The following PTPRN2 variants were observed in gnomAD, a reference collection of about 807,000 sequenced individuals.
The protein encoded by PTPRN2 is protein tyrosine phosphatase receptor type N2.
PTPRN2 carries 74 observed loss-of-function variants against 118.8 expected under a neutral mutation model. The observed-to-expected ratio is 0.62, with a 90% CI of 0.52 to 0.76. PTPRN2 has a LOEUF of 0.76. Ranked by LOEUF, PTPRN2 falls within the 30% of genes least tolerant of loss-of-function variation. The pLI is 0.00. For synonymous variants in PTPRN2, 641 were observed against 608.0 expected, an observed-to-expected ratio of 1.05 and a Z score of -0.80; for missense variants, 1,481 against 1,394.4, an observed-to-expected ratio of 1.06 and a Z score of -0.99.
chr7:158,152,870 A>G (rs1310555770), intron 6 of PTPRN2, among the ~76,000 whole-genome samples: 4 of 121,206 alleles, frequency 3.3e-5, no homozygotes, highest in Admixed American at 8.1e-5. Flanking sequence ...GCCACCAACC[A>G]GTGGGACAAG....
intron 2 of PTPRN2, among the ~76,000 whole-genome samples, chr7:158,409,080 G>C (rs1000695024): frequency 6.6e-6 from 1 of 151,546 alleles, no homozygotes; most frequent in South Asian, 2.1e-4. Context: ...TATCATTTTC[G>C]TAACACCCTG....
intron 1 of PTPRN2, among the ~76,000 whole-genome samples, chr7:158,518,851 G>T (rs934722051): frequency 1.3e-5 from 2 of 152,184 alleles, no homozygotes; most frequent in Non-Finnish European, 2.9e-5. Context: ...TGGGCATGTT[G>T]CTGGGTGCCT....
intron 11 of PTPRN2, among the ~76,000 whole-genome samples, chr7:157,905,308 G>A (rs943520678): frequency 6.6e-6 from 1 of 152,216 alleles, no homozygotes; most frequent in African/African-American, 2.4e-5. Context: ...TCAGCCAGAT[G>A]TCCATCAAAT....
intron 1 of PTPRN2, among the ~76,000 whole-genome samples, chr7:158,573,630 G>A (rs1203896782): frequency 2.0e-5 from 3 of 152,212 alleles, no homozygotes; most frequent in African/African-American, 7.2e-5. Flanking sequence ...ATGTCCTTAT[G>A]TGGAAGTTAC....
At chr7:157,600,598 G>A (rs539171895) in intron 16 of PTPRN2, among the ~76,000 whole-genome samples, 216 of 152,268 alleles carry the variant, frequency 1.4e-3, no homozygotes, top group Non-Finnish European at 1.7e-3. Flanking sequence ...TAGTAGAGAT[G>A]GGGTTTCACC....
chr7:158,350,359 T>C (rs748697779), intron 2 of PTPRN2, among the ~76,000 whole-genome samples: 6 of 152,192 alleles, frequency 3.9e-5, no homozygotes, highest in Non-Finnish European at 7.3e-5. Context: ...AGGAAACATG[T>C]ACAGGGTACC....
chr7:157,656,576 A>C, intron 13 of PTPRN2, 25 bp from the exon 14 acceptor site: 2 of 1,514,050 alleles, frequency 1.3e-6, no homozygotes, highest in Non-Finnish European at 1.8e-6. Flanking sequence ...GAGGAAGAGC[A>C]GGGGGTTAGT....
intron 12 of PTPRN2, among the ~76,000 whole-genome samples, chr7:157,847,591 C>A: frequency 4.0e-5 from 4 of 100,812 alleles, no homozygotes; most frequent in South Asian, 3.7e-4. Context: ...CTCCATCATG[C>A]GTGCCCGATG....
At chr7:158,552,000 T>TG (rs1472301319) in intron 1 of PTPRN2, among the ~76,000 whole-genome samples, 2 of 12,166 alleles carry the variant, frequency 1.6e-4, no homozygotes, top group East Asian at 0.01. Context: ...CACATGCATT[T>TG]GGGGGCCCCA....
intron 11 of PTPRN2, among the ~76,000 whole-genome samples, chr7:158,017,352 C>T (rs1806530482): frequency 1.3e-5 from 2 of 152,042 alleles, no homozygotes; most frequent in South Asian, 4.1e-4. Context: ...TTCCCAGTGC[C>T]CAGCCCCTCC....
chr7:157,719,282 C>G (rs1232525389), intron 12 of PTPRN2, among the ~76,000 whole-genome samples: 1 of 152,226 alleles, frequency 6.6e-6, no homozygotes, highest in Admixed American at 6.5e-5. Flanking sequence ...GTGCCTGACT[C>G]ACGTCTCCAT....
intron 2 of PTPRN2, among the ~76,000 whole-genome samples, chr7:158,413,539 TA>T (rs1256495746): frequency 2.0e-5 from 3 of 152,214 alleles, no homozygotes; most frequent in African/African-American, 7.2e-5. Context: ...CTCTTGTCCT[TA>T]ACCTTTTCCG....
intron 12 of PTPRN2, among the ~76,000 whole-genome samples, chr7:157,833,839 C>A (rs953638776): frequency 1.3e-5 from 2 of 152,210 alleles, no homozygotes; most frequent in Non-Finnish European, 2.9e-5. Context: ...CCGCTCATTT[C>A]CATAAATCAG....
chr7:157,996,512 G>A lies in PTPRN2; in HGVS notation c.1723+84786C>T, dbSNP rs534097940. Among the ~76,000 whole-genome samples, 12 of 152,294 alleles carry A rather than the reference G, an allele frequency of 7.9e-5. 1 individual carries two copies. The South Asian group carries it at 1.9e-3, about 24-fold the overall frequency. ...CCAGGGGAGCTTTGGTCTCTCACAC[G>A]GCTTAGAGCCCTTCCTTCCAAGGCG... is the stretch of plus-strand genomic sequence containing the variant. On this transcript the variant is annotated intron_variant, in intron 11 of 22. Coordinates refer to ENST00000389418, the MANE Select transcript of PTPRN2 (RefSeq NM_002847.5).
At chr7:157,682,566 G>C (rs776086344) in intron 13 of PTPRN2, among the ~76,000 whole-genome samples, 159 bp downstream of exon 13, 4 of 152,220 alleles carry the variant, frequency 2.6e-5, no homozygotes, top group Admixed American at 2.0e-4. Flanking sequence ...GTATTTGCAC[G>C]AATGCTGATG....
chr7:158,548,877 A>G (rs1047840417), intron 1 of PTPRN2, among the ~76,000 whole-genome samples: 8 of 152,308 alleles, frequency 5.3e-5, no homozygotes, highest in Admixed American at 2.6e-4. Flanking sequence ...CACAAAGGAG[A>G]GGAACCGCAG....
At chr7:157,625,390 C>G in intron 14 of PTPRN2, among the ~76,000 whole-genome samples, 1 of 152,172 alleles carries the variant, frequency 6.6e-6, no homozygotes, top group East Asian at 1.9e-4. Context: ...TGATGGAATA[C>G]TACACAGCCA....
intron 1 of PTPRN2, among the ~76,000 whole-genome samples, chr7:158,534,058 C>T (rs1053925073): frequency 6.6e-6 from 1 of 150,674 alleles, no homozygotes; most frequent in African/African-American, 2.4e-5. Context: ...TTGTGGCCAC[C>T]CATGCCCCGG....
intron 6 of PTPRN2, among the ~76,000 whole-genome samples, chr7:158,150,749 G>T (rs556883561): frequency 6.6e-6 from 1 of 151,622 alleles, no homozygotes; most frequent in South Asian, 2.1e-4. Flanking sequence ...TTCTTTCCTG[G>T]TCTGTGAGAC....
Sources: gnomAD v4.1 joint callset for allele counts (sites outside exome capture counted in the v4.1 genomes callset) on GRCh38, gnomAD v4.1.1 for gene constraint, MANE v1.5 for transcripts, NCBI Gene and HGNC (gene_info 2026-07-23, HGNC 2026-07-21) for gene names.